The following KIF1A variants were observed in gnomAD, a reference collection of about 807,000 sequenced individuals.
KIF1A encodes kinesin family member 1A.
KIF1A carries 46 observed loss-of-function variants against 227.3 expected under a neutral mutation model. The ratio of observed to expected loss-of-function variants is 0.20; its 90% confidence interval spans 0.16 to 0.26. The LOEUF (loss-of-function observed/expected upper bound fraction) is 0.26, where lower values mean the gene tolerates loss of function less well. Ranked by LOEUF, KIF1A falls within the 10% of genes least tolerant of loss-of-function variation. KIF1A has a pLI of 1.00. For synonymous variants in KIF1A, 1,022 were observed against 1,012.8 expected (o/e 1.01, Z -0.17); for missense variants, 1,683 against 2,485.9 (o/e 0.68, Z 6.87).
intron 10 of KIF1A, 102 bp from the exon 11 acceptor site, chr2:240,776,028 G>C: frequency 1.2e-6 from 1 of 807,240 alleles, no homozygotes; most frequent in Admixed American, 2.0e-5. Flanking sequence ...CAAAGCTGGA[G>C]GCTGGGCAAG....
At chr2:240,798,582 G>A (rs139979917) in intron 1 of KIF1A, among the ~76,000 whole-genome samples, 154 of 152,296 alleles carry the variant, frequency 1.0e-3, no homozygotes, top group African/African-American at 3.2e-3. Context: ...TGAAATGACG[G>A]GGTGGTGGTC....
At chr2:240,722,752 C>T (rs1312659262) in intron 42 of KIF1A, 96 bp from the exon 43 acceptor site, 4 of 953,556 alleles carry the variant, frequency 4.2e-6, no homozygotes, top group Admixed American at 3.1e-5. Context: ...CTGGGCAGAC[C>T]CCGGAGAGCC....
rs2056009184 is a variant in KIF1A at position 240,793,556 on chromosome 2, A to AGAG, written c.106+4088_106+4090dup. On this transcript the variant is annotated intron_variant, in intron 2 of 48. Coordinates refer to ENST00000498729, the MANE Select transcript of KIF1A (RefSeq NM_001244008.2). This position sits in a 1 kb window ranked among gnomAD's most constrained non-coding sequence, Gnocchi z 4.8. ...TCCTCAGGGCAGAGAATGTGAGGAG[A>AGAG]GAGGAGGAGGACGGAAGCACTCACA... Among the ~76,000 whole-genome samples the AGAG allele has an allele frequency of 6.6e-6, 1 of 152,018 alleles. No individual in the cohort carries two copies. Among genetic ancestry groups the AGAG allele is most frequent in the Admixed American group, 6.6e-5 (1 of 15,262 alleles).
intron 32 of KIF1A, among the ~76,000 whole-genome samples, chr2:240,744,874 G>A (rs1575561563): frequency 6.6e-6 from 1 of 152,006 alleles, no homozygotes; most frequent in Non-Finnish European, 1.5e-5. Flanking sequence ...CTGGCTCCCT[G>A]GTAGCTTTCC....
chr2:240,750,978 G>A (rs2049138297), intron 27 of KIF1A, among the ~76,000 whole-genome samples: 1 of 152,152 alleles, frequency 6.6e-6, no homozygotes, highest in African/African-American at 2.4e-5. Context: ...GGTCCCTGAT[G>A]CTCACGGACC....
chr2:240,804,645 A>G (rs2057233725), intron 1 of KIF1A, among the ~76,000 whole-genome samples: 1 of 152,112 alleles, frequency 6.6e-6, no homozygotes, highest in South Asian at 2.1e-4. Flanking sequence ...GGCTGGGTAA[A>G]AGAAGGGACA....
intron 12 of KIF1A, 102 bp from the exon 13 acceptor site, chr2:240,773,358 C>T: frequency 6.9e-7 from 1 of 1,451,708 alleles, no homozygotes. Flanking sequence ...CTTTTGGGCT[C>T]AGCAGCCAGG....
At position 240,776,214 on chromosome 2, in the gene KIF1A, G is replaced by A. The variant is rs116423408; in HGVS notation, c.883-288C>T. Among the ~76,000 whole-genome samples the A allele has an allele frequency of 7.1e-3, 1,085 of 152,282 alleles. 10 individuals are homozygous for A. The highest frequency in any genetic ancestry group is 0.024 in the African/African-American group (1,006 of 41,556). On this transcript the variant is annotated intron_variant, in intron 10 of 48. Transcript: ENST00000498729. Reference sequence around the variant, plus strand: ...CCCCTGGGCCACCCAGCTGGACACCGGCCAGGAGTGCTGATGTCACCAGCA... The same window carrying A: ...CCCCTGGGCCACCCAGCTGGACACCAGCCAGGAGTGCTGATGTCACCAGCA...
At chr2:240,764,263 C>T (rs543977591) in intron 20 of KIF1A, among the ~76,000 whole-genome samples, 5 of 152,280 alleles carry the variant, frequency 3.3e-5, no homozygotes, top group East Asian at 1.9e-4. Context: ...CAGCCCACCT[C>T]GGACACTGGG....
chr2:240,772,235 C>A (rs2052103982), intron 14 of KIF1A, among the ~76,000 whole-genome samples: 1 of 152,184 alleles, frequency 6.6e-6, no homozygotes, highest in South Asian at 2.1e-4. Flanking sequence ...CCTTCGCAGG[C>A]CTTTGGGTGC....
chr2:240,721,986 G>T, intron 43 of KIF1A, 102 bp from the exon 44 acceptor site: 2 of 930,418 alleles, frequency 2.1e-6, no homozygotes, highest in Non-Finnish European at 3.3e-6. Context: ...ACACAGGTGG[G>T]TTCCGACGCC....
intron 38 of KIF1A, chr2:240,734,714 G>A (rs539630194): frequency 1.5e-6 from 2 of 1,304,492 alleles, no homozygotes; most frequent in African/African-American, 1.5e-5. Flanking sequence ...GGTCACAGAT[G>A]ATACCTAGGT....
chr2:240,732,007 C>T (rs1263583894), intron 38 of KIF1A, among the ~76,000 whole-genome samples: 8 of 48,388 alleles, frequency 1.7e-4, no homozygotes, highest in South Asian at 1.1e-3. Flanking sequence ...GAGGGGATGA[C>T]GGGAGGAGGG....
At position 240,792,855 on chromosome 2, in the gene KIF1A, G is replaced by A. The variant is rs1433399386; in HGVS notation, c.107-3543C>T. ...ACCCGAGCTCCCTGGGCCAGGCAAG[G>A]ACACAGCAGGAAGGCAGCAGCTGCA... On this transcript the variant is annotated intron_variant, in intron 2 of 48. Coordinates refer to ENST00000498729, the MANE Select transcript of KIF1A (RefSeq NM_001244008.2). The surrounding 1 kb of genome is among the most constrained non-coding windows in gnomAD (Gnocchi z 4.5). Among the ~76,000 whole-genome samples the A allele has an allele frequency of 6.6e-6, 1 of 152,172 alleles. No individual in the cohort carries two copies. Among genetic ancestry groups the A allele is most frequent in the Non-Finnish European group, 1.5e-5 (1 of 68,030 alleles).
chr2:240,765,867 C>T (rs1298695682), intron 19 of KIF1A, 74 bp from the exon 20 acceptor site: 10 of 1,099,968 alleles, frequency 9.1e-6, no homozygotes, highest in Non-Finnish European at 1.4e-5. Context: ...GCTTACCTGG[C>T]CCCCGGGCAT....
At chr2:240,809,586 A>T (rs1266182728) in intron 1 of KIF1A, among the ~76,000 whole-genome samples, 2 of 152,208 alleles carry the variant, frequency 1.3e-5, no homozygotes, top group East Asian at 3.8e-4. Context: ...TTCCATGTGG[A>T]TTAAAGACCT....
At chr2:240,718,224 C>T (rs2044795028) in intron 47 of KIF1A, 56 bp from the exon 48 acceptor site, 48 of 1,205,624 alleles carry the variant, frequency 4.0e-5, no homozygotes, top group Non-Finnish European at 5.5e-5. Flanking sequence ...AGCACACCAC[C>T]CTCCTGCTCC....
chr2:240,757,423 ATCCTCCTCCTCC>A lies in KIF1A; in HGVS notation c.2742_2753del (p.Glu914_Glu917del), dbSNP rs10594016. The A allele has an allele frequency of 3.1e-4, 463 of 1,482,846 alleles. No homozygotes were observed. The highest frequency in any genetic ancestry group is 1.8e-3 in the East Asian group (71 of 38,812). 91.9% of individuals were successfully genotyped at this position (1,482,846 alleles called of 1,614,324 possible). On this transcript the variant is annotated inframe_deletion, in exon 27 of 49. Transcript: ENST00000498729. This position sits in a 1 kb window ranked among gnomAD's most constrained non-coding sequence, Gnocchi z 6.2. ...CGTCCTCCAGGTCCTCCTCCTCCTCATCCTCCTCCTCCTCCTCCTCCTCCTCCTCCTCCCCCA... is the reference window on the plus strand; with the variant it reads ...CGTCCTCCAGGTCCTCCTCCTCCTCATCCTCCTCCTCCTCCTCCTCCCCCA...
At position 240,723,485 on chromosome 2, in the gene KIF1A, G is replaced by A; in HGVS notation, c.4392C>T (p.Gly1464=). ...TGAGACTGTCACTCCGGGGCCTCCA[G>A]CCTGCCAGGTTCTCCTCGCCCCGGA... The part of the protein sequence containing the change: ...AYVRGEENLA[G]WRPRSDSLIL... Residue 1464 remains glycine, a synonymous_variant, in exon 42 of 49, where the codon GGC becomes GGT. Transcript: ENST00000498729. 6.4e-7 allele frequency: 1 copy of A among 1,552,196 alleles called. No homozygotes were observed. The highest frequency in any genetic ancestry group is 1.9e-5 in the Admixed American group (1 of 51,386).
Sources: allele counts gnomAD v4.1 joint callset (sites outside exome capture counted in the v4.1 genomes callset), GRCh38; gene constraint gnomAD v4.1.1; non-coding constraint Gnocchi (gnomAD v3.1); transcripts MANE v1.5; gene names NCBI Gene and HGNC (gene_info 2026-07-23, HGNC 2026-07-21).